MYRIP: variants seen among roughly 807,000 people sequenced by gnomAD.
The protein encoded by MYRIP is rab effector MyRIP.
MYRIP carries 49 observed loss-of-function variants against 98.0 expected under a neutral mutation model. The ratio of observed to expected loss-of-function variants is 0.50; its 90% confidence interval spans 0.40 to 0.63. The LOEUF is 0.63. MYRIP is among the 30% of genes least tolerant of loss of function. The probability of loss-of-function intolerance (pLI) is 0.00; values close to 1 mark genes in which losing one functional copy is unlikely to be tolerated. For synonymous variants in MYRIP, 404 were observed against 409.5 expected (o/e 0.99, Z 0.16); for missense variants, 1,004 against 1,058.2 (o/e 0.95, Z 0.71).
At chr3:40,130,132 C>T (rs901923485) in intron 3 of MYRIP, among the ~76,000 whole-genome samples, 5 of 152,130 alleles carry the variant, frequency 3.3e-5, no homozygotes, top group East Asian at 1.9e-4. Flanking sequence ...GCCATAAGAA[C>T]ACTACTAGGA....
rs1942749068 is a variant in MYRIP, at chr3:39,870,352, T to G, written c.-30-30435T>G. Among the ~76,000 whole-genome samples the G allele has an allele frequency of 6.8e-5, 3 of 44,230 alleles. No individual in the cohort carries two copies. In the South Asian group the frequency reaches 2.0e-3, roughly 29 times the overall value. 29.0% of individuals were successfully genotyped at this position (44,230 alleles called of 152,430 possible). A position where few individuals can be genotyped will look rare whatever the true frequency, so the allele number is the denominator to read the frequency against. On this transcript the variant is annotated intron_variant, in intron 1 of 16. Transcript: ENST00000302541. Reference sequence around the variant, plus strand: ...TGTAGCAAGCACCATTGTTCCAATTTGTTCCATTCTTCCAATTTGTTCCAT... The same window carrying G: ...TGTAGCAAGCACCATTGTTCCAATTGGTTCCATTCTTCCAATTTGTTCCAT...
At chr3:40,156,154 T>G (rs1249871129) in intron 4 of MYRIP, among the ~76,000 whole-genome samples, 3 of 151,452 alleles carry the variant, frequency 2.0e-5, no homozygotes, top group African/African-American at 2.4e-5. Flanking sequence ...TAATCCATCT[T>G]GAATTAATTT....
At chr3:40,233,804 C>A in intron 11 of MYRIP, 55 bp from the exon 12 acceptor site, 1 of 1,501,154 alleles carries the variant, frequency 6.7e-7, no homozygotes, top group Non-Finnish European at 9.1e-7. Context: ...ATTTCTGTGT[C>A]ATTGTTAATG....
intron 3 of MYRIP, among the ~76,000 whole-genome samples, chr3:40,089,678 A>G (rs1023725085): frequency 1.1e-4 from 17 of 152,252 alleles, no homozygotes; most frequent in Admixed American, 2.6e-4. Flanking sequence ...TGAGGTTTAC[A>G]GAAATATTAT....
At chr3:40,120,367 A>C (rs1575553545) in intron 3 of MYRIP, among the ~76,000 whole-genome samples, 1 of 145,158 alleles carries the variant, frequency 6.9e-6, no homozygotes, top group African/African-American at 2.7e-5. Context: ...ATATAACTTA[A>C]CATTACCATT....
intron 2 of MYRIP, among the ~76,000 whole-genome samples, chr3:39,993,773 C>T (rs1039954474): frequency 6.6e-6 from 1 of 152,214 alleles, no homozygotes; most frequent in East Asian, 1.9e-4. Context: ...TAGTGATGAC[C>T]ACTCTGTGAG....
chr3:40,020,272 A>T (rs1946962312), intron 2 of MYRIP, among the ~76,000 whole-genome samples: 1 of 151,546 alleles, frequency 6.6e-6, no homozygotes, highest in South Asian at 2.1e-4. Context: ...TTAAGAATTA[A>T]TATGTGTTTA....
At chr3:39,827,608 C>T (rs1941308393) in intron 1 of MYRIP, among the ~76,000 whole-genome samples, 1 of 152,120 alleles carries the variant, frequency 6.6e-6, no homozygotes, top group Non-Finnish European at 1.5e-5. Flanking sequence ...TTTTCTATAG[C>T]AATGAGGATT....
At chr3:40,160,147 G>C (rs1210567335) in intron 4 of MYRIP, among the ~76,000 whole-genome samples, 2 of 152,306 alleles carry the variant, frequency 1.3e-5, no homozygotes, top group East Asian at 1.9e-4. Context: ...GGTCTTTGAT[G>C]ATGGTGATGT....
At chr3:39,945,091 G>A (rs1368328070) in intron 2 of MYRIP, among the ~76,000 whole-genome samples, 1 of 151,950 alleles carries the variant, frequency 6.6e-6, no homozygotes, top group Admixed American at 6.6e-5. Flanking sequence ...AGGAAAGACA[G>A]CCAAGGGAAA....
intron 2 of MYRIP, among the ~76,000 whole-genome samples, chr3:40,022,992 A>C (rs952287495): frequency 6.6e-6 from 1 of 152,186 alleles, no homozygotes; most frequent in African/African-American, 2.4e-5. Context: ...TGTGAGACTG[A>C]AGACATGAGA....
chr3:39,896,740 T>C (rs563719833), intron 1 of MYRIP, among the ~76,000 whole-genome samples: 24 of 152,352 alleles, frequency 1.6e-4, no homozygotes, highest in African/African-American at 5.8e-4. Context: ...GAAAATCCCA[T>C]TTAAGCATTT....
chr3:39,844,811 A>G (rs1173831565), intron 1 of MYRIP, among the ~76,000 whole-genome samples: 1 of 152,220 alleles, frequency 6.6e-6, no homozygotes, highest in Non-Finnish European at 1.5e-5. Context: ...CCAAAGGTCC[A>G]GCGTAGCATC....
At chr3:39,857,985 A>G (rs2125614393) in intron 1 of MYRIP, among the ~76,000 whole-genome samples, 1 of 152,296 alleles carries the variant, frequency 6.6e-6, no homozygotes, top group Middle Eastern at 3.4e-3. Flanking sequence ...GAAACAAAGG[A>G]ACTACAAAGC....
intron 2 of MYRIP, among the ~76,000 whole-genome samples, chr3:39,978,297 GT>G (rs1186143014): frequency 6.6e-6 from 1 of 152,238 alleles, no homozygotes; most frequent in Non-Finnish European, 1.5e-5. Context: ...GACACTGGAA[GT>G]TTTATTTTGC....
intron 11 of MYRIP, among the ~76,000 whole-genome samples, chr3:40,231,979 T>C (rs930245584): frequency 6.6e-6 from 1 of 152,234 alleles, no homozygotes; most frequent in African/African-American, 2.4e-5. Flanking sequence ...GAGCCCAATT[T>C]GTCTCCAAAA....
At chr3:40,134,795 A>G (rs1196455440) in intron 3 of MYRIP, among the ~76,000 whole-genome samples, 1 of 152,172 alleles carries the variant, frequency 6.6e-6, no homozygotes, top group African/African-American at 2.4e-5. Flanking sequence ...ACCTCCGGTG[A>G]ACTCCAACAG....
intron 3 of MYRIP, among the ~76,000 whole-genome samples, chr3:40,064,331 A>C (rs1948083950): frequency 1.3e-5 from 2 of 152,070 alleles, no homozygotes; most frequent in Non-Finnish European, 2.9e-5. Flanking sequence ...TATTCCTCTA[A>C]GGGGGCAAAA....
intron 1 of MYRIP, among the ~76,000 whole-genome samples, chr3:39,881,128 T>G (rs1260294889): frequency 6.6e-6 from 1 of 152,180 alleles, no homozygotes; most frequent in Non-Finnish European, 1.5e-5. Flanking sequence ...ATCCTGTTTC[T>G]TTTTCATGGA....
Sources: gnomAD v4.1 joint callset for allele counts (sites outside exome capture counted in the v4.1 genomes callset) on GRCh38, gnomAD v4.1.1 for gene constraint, MANE v1.5 for transcripts, NCBI Gene and HGNC (gene_info 2026-07-23, HGNC 2026-07-21) for gene names.